Variants in SIRPG observed in about 807,000 individuals in gnomAD.
SIRPG encodes signal-regulatory protein gamma.
Under a neutral mutation model 35.7 loss-of-function variants are expected in SIRPG, and 38 were observed. The ratio of observed to expected loss-of-function variants is 1.06; its 90% CI spans 0.82 to 1.40. The LOEUF (loss-of-function observed/expected upper bound fraction) is 1.40. Among genes scored for constraint, SIRPG ranks in the 40% most tolerant of loss-of-function variants. SIRPG has a pLI of 0.00. For synonymous variants in SIRPG, 215 were observed against 190.4 expected (o/e 1.13, Z -1.06); for missense variants, 519 against 483.0 (o/e 1.07, Z -0.70).
At chr20:1,668,185 T>G in the SIRPG span, among the ~76,000 whole-genome samples, 8 of 65,016 alleles carry the variant, frequency 1.2e-4, no homozygotes, top group East Asian at 1.1e-3. Context: ...CTTTCTTTCT[T>G]TCTTTTTCTT....
the SIRPG span, among the ~76,000 whole-genome samples, chr20:1,674,112 G>A: frequency 6.6e-6 from 1 of 152,202 alleles, no homozygotes; most frequent in Non-Finnish European, 1.5e-5. Context: ...AGGGGGCTGT[G>A]TATTAGAATC....
At chr20:1,630,401 A>T (rs2122389491) in intron 4 of SIRPG, 95 bp from the exon 5 acceptor site, 2 of 903,818 alleles carry the variant, frequency 2.2e-6, no homozygotes, top group East Asian at 2.8e-5. Context: ...GCCTGGGCCC[A>T]TCTATGCCCC....
At position 1,636,592 on chromosome 20, in the gene SIRPG, A is replaced by C. The variant is rs183280451; in HGVS notation, c.431-87T>G. 5.5e-5 allele frequency: 74 copies of C among 1,341,038 alleles called. No homozygotes were observed. The African/African-American group carries it at 7.2e-4, about 13-fold the overall frequency. 83.1% of individuals were successfully genotyped at this position (1,341,038 alleles called of 1,614,324 possible). ...GTGTGACACTGTTAAGAACCTTCAG[A>C]TACATTAATTTTAATCCTTCTAATA... On this transcript the variant is annotated intron_variant, in intron 2 of 5. Coordinates refer to ENST00000303415, the MANE Select transcript of SIRPG (RefSeq NM_018556.4).
chr20:1,686,281 T>C, the SIRPG span, among the ~76,000 whole-genome samples: 1 of 151,860 alleles, frequency 6.6e-6, no homozygotes, highest in African/African-American at 2.4e-5. Context: ...GGGGCAGGGA[T>C]TTCAGGGCTG....
At chr20:1,637,758 A>T (rs184195654) in intron 2 of SIRPG, 1 of 152,290 alleles carries the variant, frequency 6.6e-6, no homozygotes, top group East Asian at 1.9e-4. Context: ...TGATTTCTTC[A>T]TCGTTAATTC....
rs1286427526 is a variant in SIRPG, at chr20:1,630,268, C to T, written c.1120G>A (p.Val374Ile). ...GGGACGTAGATGGGGCCCAGGAGGA[C>T]AGCTATGAGGAGCAGCGCAGTAAGG... ...SSLTALLLIA[V>I]LLGPIYVPWK... Residue 374 changes from valine to isoleucine, a missense_variant, in exon 5 of 6, where the codon GTC (valine) becomes ATC (isoleucine). Coordinates refer to ENST00000303415, the MANE Select transcript of SIRPG (RefSeq NM_018556.4). 6.4e-7 allele frequency: 1 copy of T among 1,574,712 alleles called. No homozygotes were observed. The highest frequency in any genetic ancestry group is 1.2e-5 in the South Asian group (1 of 85,694).
chr20:1,638,062 G>C (rs1190680831), intron 2 of SIRPG, among the ~76,000 whole-genome samples: 1 of 152,220 alleles, frequency 6.6e-6, no homozygotes, highest in Non-Finnish European at 1.5e-5. Flanking sequence ...CAAGACACCA[G>C]CAGCATTGGG....
rs2091920288 is a variant in SIRPG, at chr20:1,649,194, C to G, written c.288G>C (p.Lys96Asn). The G allele has an allele frequency of 6.2e-7, 1 of 1,614,008 alleles. No individual in the cohort carries two copies. The highest frequency in any genetic ancestry group is 8.5e-7 in the Non-Finnish European group (1 of 1,180,032). ...PRVTTVSDLT[K>N]RNNMDFSIRI... ...GGATGGAAAAGTCCATGTTGTTTCT[C>G]TTTGTGAGGTCTGAAACTGTTGTTA... The change falls in exon 2 of 6, where the codon AAG (lysine) becomes AAC (asparagine). Residue 96 changes from lysine to asparagine, a missense_variant. By Grantham distance (94) the Lys-to-Asn change is moderately conservative (BLOSUM62 0). Transcript: ENST00000303415.
At chr20:1,649,520 C>A (rs913110341) in intron 1 of SIRPG, 112 bp from the exon 2 acceptor site, 3 of 940,688 alleles carry the variant, frequency 3.2e-6, no homozygotes, top group South Asian at 1.6e-5. Context: ...AGGAGCAGGA[C>A]TTGATCTCAG....
At chr20:1,638,752 A>C (rs925516414) in intron 2 of SIRPG, among the ~76,000 whole-genome samples, 6 of 151,030 alleles carry the variant, frequency 4.0e-5, no homozygotes, top group African/African-American at 1.5e-4. Flanking sequence ...TATTTGTCCT[A>C]ATGCTCTCCT....
chr20:1,630,579 G>T, intron 4 of SIRPG: 1 of 381,412 alleles, frequency 2.6e-6, no homozygotes, highest in East Asian at 6.6e-5. Context: ...TGTGGCAACG[G>T]GGTTCCTCAC....
At chr20:1,656,458 A>C (rs994542862) in intron 1 of SIRPG, among the ~76,000 whole-genome samples, 1 of 152,232 alleles carries the variant, frequency 6.6e-6, no homozygotes, top group Non-Finnish European at 1.5e-5. Context: ...TACTGCTGTC[A>C]TTTGGGTACA....
In SIRPG at chr20:1,652,334, C is replaced by T. The variant is rs900693836; in HGVS notation, c.74-2926G>A. On this transcript the variant is annotated intron_variant, in intron 1 of 5. Coordinates refer to ENST00000303415, the MANE Select transcript of SIRPG (RefSeq NM_018556.4). ...CCCTGCTCATCTGAAATGGGTCCCA[C>T]TGGAACTTAAACTTCTACTGAAACA... is the stretch of plus-strand genomic sequence containing the variant. 2.6e-5 allele frequency among the ~76,000 whole-genome samples: 4 copies of T among 152,314 alleles called. No individual in the cohort carries two copies. The East Asian group carries it at 7.7e-4, about 29-fold the overall frequency.
chr20:1,649,629 C>CTTTTTTTTTTTTTTT (rs35561366), intron 1 of SIRPG, among the ~76,000 whole-genome samples: 3 of 75,764 alleles, frequency 4.0e-5, no homozygotes, highest in Admixed American at 1.8e-4. Context: ...CAGAGAGGTT[C>CTTTTTTTTTTTTTTT]TTTTTTTTTT....
At chr20:1,668,529 A>AG in the SIRPG span, among the ~76,000 whole-genome samples, 1 of 151,346 alleles carries the variant, frequency 6.6e-6, no homozygotes. Context: ...TGATCCAACC[A>AG]CCTCGGTCTC....
intron 4 of SIRPG, chr20:1,633,373 A>G (rs1342137410): frequency 6.6e-6 from 1 of 152,270 alleles, no homozygotes; most frequent in Non-Finnish European, 1.5e-5. Context: ...AAGAAATTTG[A>G]GGAAAATTTG....
chr20:1,648,630 A>G (rs1220144540), intron 2 of SIRPG, among the ~76,000 whole-genome samples: 3 of 151,922 alleles, frequency 2.0e-5, no homozygotes, highest in Admixed American at 2.0e-4. Context: ...GCAAACTTAA[A>G]GTATAATAAA....
the SIRPG span, among the ~76,000 whole-genome samples, chr20:1,680,813 C>T: frequency 1.3e-5 from 2 of 149,444 alleles, no homozygotes; most frequent in African/African-American, 4.9e-5. Context: ...AATTATAAGT[C>T]ATATACTCAT....
At chr20:1,653,627 G>T (rs1043055533) in intron 1 of SIRPG, among the ~76,000 whole-genome samples, 2 of 152,280 alleles carry the variant, frequency 1.3e-5, no homozygotes, top group South Asian at 2.1e-4. Flanking sequence ...ATTCTGCTTT[G>T]AGGGAAAATG....
Sources: allele counts gnomAD v4.1 joint callset (sites outside exome capture counted in the v4.1 genomes callset), GRCh38; gene constraint gnomAD v4.1.1; transcripts MANE v1.5; gene names NCBI Gene and HGNC (gene_info 2026-07-23, HGNC 2026-07-21).